The following ZMAT4 variants were observed in gnomAD, a reference collection of about 807,000 sequenced individuals.
ZMAT4 encodes zinc finger matrin-type protein 4.
ZMAT4 carries 17 observed loss-of-function variants against 28.7 expected under a neutral mutation model. That is an observed-to-expected ratio of 0.59 (90% confidence interval 0.41 to 0.89). The LOEUF (loss-of-function observed/expected upper bound fraction) is 0.89, where lower values mean the gene tolerates loss of function less well. Among genes scored for constraint, ZMAT4 ranks in the 40% least tolerant of loss-of-function variants. The pLI is 0.00. For missense variants in ZMAT4, 240 were observed against 283.8 expected, an observed-to-expected ratio of 0.85 and a Z score of 1.11; for synonymous variants, 117 against 109.2, an observed-to-expected ratio of 1.07 and a Z score of -0.44.
At chr8:40,725,432 A>G (rs567721630) in intron 3 of ZMAT4, among the ~76,000 whole-genome samples, 120 of 152,318 alleles carry the variant, frequency 7.9e-4, no homozygotes, top group Admixed American at 2.9e-3. Flanking sequence ...AGAGTCCACT[A>G]AAGTCCTGGA....
chr8:40,781,214 T>C (rs1813810774), intron 2 of ZMAT4, among the ~76,000 whole-genome samples: 1 of 152,144 alleles, frequency 6.6e-6, no homozygotes, highest in African/African-American at 2.4e-5. Context: ...ACCAATTGCA[T>C]TTCTAAACAC....
intron 5 of ZMAT4, among the ~76,000 whole-genome samples, chr8:40,621,925 G>A (rs112726255): frequency 5.7e-4 from 87 of 152,282 alleles, no homozygotes; most frequent in Admixed American, 1.9e-3. Flanking sequence ...AGAACTAACA[G>A]CAGTTATGGG....
intron 5 of ZMAT4, among the ~76,000 whole-genome samples, chr8:40,639,462 T>C (rs535196349): frequency 3.3e-5 from 5 of 152,102 alleles, no homozygotes; most frequent in Non-Finnish European, 5.9e-5. Context: ...TTACTACGAC[T>C]CTTGGCCATG....
chr8:40,597,086 G>T (rs905629879), intron 5 of ZMAT4, among the ~76,000 whole-genome samples: 2 of 152,180 alleles, frequency 1.3e-5, no homozygotes, highest in Admixed American at 1.3e-4. Flanking sequence ...ATGGATGGAT[G>T]GATGGATAAA....
intron 3 of ZMAT4, among the ~76,000 whole-genome samples, chr8:40,745,184 G>A (rs2150538902): frequency 6.6e-6 from 1 of 152,230 alleles, no homozygotes; most frequent in African/African-American, 2.4e-5. Context: ...TTTCTAGCCT[G>A]GGTGAAGGGA....
Position 40,870,494 on chromosome 8 carries a change from C to G in ZMAT4, c.-5+27189G>C, listed in dbSNP as rs571974417. ...GCCATTTTTCCCTCCCCTATACACA[C>G]AGCTTAAAAATTAAGAAGTCTGATT... On this transcript the variant is annotated intron_variant, in intron 1 of 6. Transcript: ENST00000297737. Among the ~76,000 whole-genome samples, 4 of 152,336 alleles carry G rather than the reference C, an allele frequency of 2.6e-5. No homozygotes were observed. In the South Asian group the frequency reaches 6.2e-4, roughly 24 times the overall value.
chr8:40,695,877 C>A (rs961333249), intron 4 of ZMAT4, among the ~76,000 whole-genome samples: 4 of 143,552 alleles, frequency 2.8e-5, no homozygotes, highest in African/African-American at 1.0e-4. Flanking sequence ...TCCATCATTA[C>A]CTCCAAAATT....
At chr8:40,693,548 G>T (rs1007922100) in intron 4 of ZMAT4, among the ~76,000 whole-genome samples, 8 of 152,116 alleles carry the variant, frequency 5.3e-5, no homozygotes, top group African/African-American at 9.7e-5. Flanking sequence ...AAAACCCTTT[G>T]CCTCCTTGAT....
intron 3 of ZMAT4, among the ~76,000 whole-genome samples, chr8:40,719,168 G>A (rs1172473996): frequency 6.6e-6 from 1 of 152,170 alleles, no homozygotes; most frequent in Non-Finnish European, 1.5e-5. Flanking sequence ...GAGGCCAGGT[G>A]TGATGACTCA....
intron 6 of ZMAT4, among the ~76,000 whole-genome samples, chr8:40,577,779 T>A (rs1804318071): frequency 6.6e-6 from 1 of 151,802 alleles, no homozygotes; most frequent in African/African-American, 2.4e-5. Flanking sequence ...AATAATAGAT[T>A]TTAATTATTA....
intron 6 of ZMAT4, among the ~76,000 whole-genome samples, chr8:40,572,788 G>GAA (rs1199198885): frequency 6.6e-6 from 1 of 152,112 alleles, no homozygotes; most frequent in Non-Finnish European, 1.5e-5. Context: ...ACAATGGAGA[G>GAA]AAATTTGACT....
At chr8:40,646,261 C>T (rs954490168) in intron 5 of ZMAT4, among the ~76,000 whole-genome samples, 1 of 151,458 alleles carries the variant, frequency 6.6e-6, no homozygotes, top group Non-Finnish European at 1.5e-5. Flanking sequence ...TTCTCTGTTC[C>T]TCTCTTCGTG....
intron 6 of ZMAT4, among the ~76,000 whole-genome samples, chr8:40,567,739 A>G (rs1803966800): frequency 6.6e-6 from 1 of 151,710 alleles, no homozygotes; most frequent in Admixed American, 6.6e-5. Context: ...AAACCCCAAA[A>G]CTCTTTAAAA....
chr8:40,881,582 GA>G (rs1554498057), intron 1 of ZMAT4, among the ~76,000 whole-genome samples: 1 of 106,708 alleles, frequency 9.4e-6, no homozygotes, highest in South Asian at 3.0e-4. Context: ...AAGAAAGAAA[GA>G]AAGAAAGAAA....
intron 5 of ZMAT4, among the ~76,000 whole-genome samples, chr8:40,631,060 C>CA (rs1806559249): frequency 6.6e-6 from 1 of 151,970 alleles, no homozygotes; most frequent in Non-Finnish European, 1.5e-5. Context: ...AGCCACATTT[C>CA]AAGTGCTCAA....
intron 2 of ZMAT4, among the ~76,000 whole-genome samples, chr8:40,819,978 C>A (rs1815689481): frequency 6.6e-6 from 1 of 151,900 alleles, no homozygotes; most frequent in Admixed American, 6.6e-5. Context: ...GGAAACTGAA[C>A]CTTTAAGTGA....
chr8:40,626,227 C>T (rs999067983), intron 5 of ZMAT4, among the ~76,000 whole-genome samples: 1 of 152,080 alleles, frequency 6.6e-6, no homozygotes, highest in African/African-American at 2.4e-5. Context: ...GAGGCACTTC[C>T]TTCCCTGGAA....
intron 3 of ZMAT4, among the ~76,000 whole-genome samples, chr8:40,709,206 T>C (rs1021299953): frequency 6.6e-6 from 1 of 152,350 alleles, no homozygotes; most frequent in Admixed American, 6.5e-5. Flanking sequence ...ATAGTTATAC[T>C]GTATCTTTTA....
intron 6 of ZMAT4, among the ~76,000 whole-genome samples, chr8:40,580,609 T>C (rs566491340): frequency 6.6e-6 from 1 of 152,286 alleles, no homozygotes; most frequent in African/African-American, 2.4e-5. Context: ...ATAGGTGAAA[T>C]GGTGCCTGGT....
Sources: allele counts gnomAD v4.1 joint callset (sites outside exome capture counted in the v4.1 genomes callset), GRCh38; gene constraint gnomAD v4.1.1; transcripts MANE v1.5; gene names NCBI Gene and HGNC (gene_info 2026-07-23, HGNC 2026-07-21).